Variants in ANXA2R observed in about 807,000 individuals in gnomAD.
The protein encoded by ANXA2R is annexin-2 receptor.
For synonymous variants in ANXA2R, 93 were observed against 93.6 expected, an observed-to-expected ratio of 0.99 and a Z score of 0.04; for missense variants, 244 against 241.5, an observed-to-expected ratio of 1.01 and a Z score of -0.07.
chr5:43,040,897 G>A (rs1268344797), upstream of ANXA2R: 1 of 152,136 alleles, frequency 6.6e-6, no homozygotes. Flanking sequence ...AGGACCCCGC[G>A]AACGGGAAAT....
chr5:43,039,597 A>G lies in ANXA2R; in HGVS notation c.450T>C (p.Pro150=). 1 of 1,614,072 alleles carries G rather than the reference A, an allele frequency of 6.2e-7. No homozygotes were observed. Among genetic ancestry groups the G allele is most frequent in the Non-Finnish European group, 8.5e-7 (1 of 1,179,940 alleles). ...GGTGGCGCCACGGCTGGAGGGCAGG[A>G]GGATGGCGGCGTTCCAAAAGGCACC... ...DSGCLLERRH[P]PALQPWRHLP... is the part of the protein sequence containing the mutation. The change falls in exon 1 of 1, where the codon CCT becomes CCC. Residue 150 remains proline, a synonymous_variant. Transcript: ENST00000616064.
In ANXA2R at chr5:43,040,080, A is replaced by C; in HGVS notation, c.-34T>G. 1 of 1,557,240 alleles carries C rather than the reference A, an allele frequency of 6.4e-7. No homozygotes were observed. Among genetic ancestry groups the C allele is most frequent in the African/African-American group, 1.4e-5 (1 of 73,410 alleles). ...CCTCAGACCAACGTTTGCGCTGATCAAGGAGGGAGAGTCTCTGCACTACCA... is the reference window on the plus strand; with the variant it reads ...CCTCAGACCAACGTTTGCGCTGATCCAGGAGGGAGAGTCTCTGCACTACCA... On this transcript the variant is annotated 5_prime_UTR_variant, in exon 1 of 1. Transcript: ENST00000616064.
chr5:43,043,052 C>T (rs1014615562), upstream of ANXA2R: 2 of 152,256 alleles, frequency 1.3e-5, no homozygotes, highest in African/African-American at 4.8e-5. Flanking sequence ...TTGGTGAAAC[C>T]AACCTTGTGA....
chr5:43,039,909 C>T lies in ANXA2R; in HGVS notation c.138G>A (p.Glu46=). ...WPLPLYPVLG[E]YSLDSCDLGL... ...CCAAATCACAGCTGTCCAGTGAGTA[C>T]TCTCCTAGTACTGGATACAAAGGAA... The change falls in exon 1 of 1, where the codon GAG becomes GAA. Residue 46 remains glutamate (E), a synonymous_variant. Coordinates refer to ENST00000616064, the MANE Select transcript of ANXA2R (RefSeq NM_001014279.3). The T allele has an allele frequency of 6.2e-7, 1 of 1,614,242 alleles. No homozygotes were observed. Among genetic ancestry groups the T allele is most frequent in the South Asian group, 1.1e-5 (1 of 91,092 alleles).
At chr5:43,041,979 T>G (rs1437811453), upstream of ANXA2R, 1 of 152,236 alleles carries the variant, frequency 6.6e-6, no homozygotes, top group Admixed American at 6.5e-5. Context: ...TTCCCCTACT[T>G]GGACAGAGGG....
upstream of ANXA2R, chr5:43,040,853 G>A (rs1437841732): frequency 6.6e-6 from 1 of 152,170 alleles, no homozygotes; most frequent in African/African-American, 2.4e-5. Context: ...ACTAGCGGTT[G>A]TAGGAGCGAA....
In ANXA2R at chr5:43,039,971, G is replaced by A. The variant is rs1742161747; in HGVS notation, c.76C>T (p.Pro26Ser). ...CCACGATCTTCTGAACTCACAATAG[G>A]TGGAGGCTGGGGCTCTGGCGCCACC... The part of the protein sequence containing the change: ...AEVAPEPQPP[P>S]IVSSEDRGPW... Residue 26 changes from proline to serine, a missense_variant, in exon 1 of 1, where the codon CCT becomes TCT. Physicochemically the swap from Pro to Ser is moderately conservative, Grantham distance 74 (BLOSUM62 -1). Coordinates refer to ENST00000616064, the MANE Select transcript of ANXA2R (RefSeq NM_001014279.3). 1.2e-6 allele frequency: 2 copies of A among 1,613,914 alleles called. No homozygotes were observed. Among genetic ancestry groups the A allele is most frequent in the South Asian group, 2.2e-5 (2 of 91,084 alleles).
rs774369455 is a variant in ANXA2R at position 43,039,886 on chromosome 5, A to T, written c.161T>A (p.Leu54Ter). The T allele has an allele frequency of 3.1e-6, 5 of 1,614,130 alleles. No individual in the cohort carries two copies. In the African/African-American group the frequency reaches 6.7e-5, roughly 22 times the overall value. ...CCAGCAAGGGCTGGAAAGCAGTCCCAAATCACAGCTGTCCAGTGAGTACTC... is the reference window on the plus strand; with the variant it reads ...CCAGCAAGGGCTGGAAAGCAGTCCCTAATCACAGCTGTCCAGTGAGTACTC... Residue 54 changes from leucine to a stop codon, truncating the protein, a stop_gained, in exon 2 of 2, where the codon TTG becomes TAG. Transcript: ENST00000314890. LOFTEE classifies it low-confidence loss of function (END_TRUNC).
chr5:43,040,067 G>T lies in ANXA2R; in HGVS notation c.-21C>A. ...TCCATCCCTCAAGCCTCAGACCAAC[G>T]TTTGCGCTGATCAAGGAGGGAGAGT... On this transcript the variant is annotated 5_prime_UTR_variant, in exon 1 of 1. Transcript: ENST00000616064. 6.3e-7 allele frequency: 1 copy of T among 1,576,322 alleles called. No homozygotes were observed.
chr5:43,040,990 A>G (rs1202876359), upstream of ANXA2R: 6 of 152,218 alleles, frequency 3.9e-5, no homozygotes, highest in Non-Finnish European at 8.8e-5. Context: ...AGCTCTGCAT[A>G]GGAAGCGGAG....
At chr5:43,043,115 A>T (rs1579633801), upstream of ANXA2R, 1 of 152,374 alleles carries the variant, frequency 6.6e-6, no homozygotes, top group African/African-American at 2.4e-5. Context: ...GCGGCGGAGA[A>T]ACCGCAGGCT....
At chr5:43,041,826 T>C (rs1392148769), upstream of ANXA2R, 3 of 152,166 alleles carry the variant, frequency 2.0e-5, no homozygotes, top group Non-Finnish European at 4.4e-5. Context: ...AACCCGGAGC[T>C]GCTGACCAAC....
At chr5:43,040,593 T>C (rs975090030), upstream of ANXA2R, 4 of 153,878 alleles carry the variant, frequency 2.6e-5, no homozygotes, top group African/African-American at 9.6e-5. Context: ...CTTCCACACC[T>C]AAACAACCTG....
chr5:43,042,036 G>A (rs373425837), upstream of ANXA2R: 9 of 152,326 alleles, frequency 5.9e-5, no homozygotes, highest in Middle Eastern at 3.2e-3. This position sits in a 1 kb window ranked among gnomAD's most constrained non-coding sequence, Gnocchi z 5.6. Flanking sequence ...GGACTAAGAA[G>A]CCAACGACGC....
upstream of ANXA2R, chr5:43,040,568 G>A (rs1415668493): frequency 1.9e-5 from 3 of 155,172 alleles, no homozygotes; most frequent in Non-Finnish European, 4.3e-5. Flanking sequence ...CATGCTCTTA[G>A]AACTAAGAGC....
At chr5:43,042,890 T>G (rs1362990354), upstream of ANXA2R, 1 of 152,374 alleles carries the variant, frequency 6.6e-6, no homozygotes, top group Non-Finnish European at 1.5e-5. The surrounding 1 kb of genome is among the most constrained non-coding windows in gnomAD (Gnocchi z 5.6). Flanking sequence ...AACCGCCAGC[T>G]GGGCTAGACT....
rs369200809 is a variant in ANXA2R at position 43,039,640 on chromosome 5, G to C, written c.407C>G (p.Thr136Ser). ...AAGGCACCCGCTGTCACAGACCTCG[G>C]TGTCCTGCTGTCTGTCCCAGGGATG... The part of the protein sequence containing the change: ...PLHPWDRQQD[T>S]EVCDSGCLLE... The change falls in exon 1 of 1, where the codon ACC becomes AGC. Residue 136 changes from threonine to serine, a missense_variant. Physicochemically the swap from Thr to Ser is moderately conservative, Grantham distance 58. Transcript: ENST00000616064. The C allele has an allele frequency of 5.0e-6, 8 of 1,613,680 alleles. No homozygotes were observed. Among genetic ancestry groups the C allele is most frequent in the Middle Eastern group, 1.7e-4 (1 of 6,050 alleles).
At chr5:43,043,241 A>G (rs1742234954), upstream of ANXA2R, 1 of 152,172 alleles carries the variant, frequency 6.6e-6, no homozygotes, top group Admixed American at 6.5e-5. Context: ...GTGCAGTTGC[A>G]AAAGATAATT....
chr5:43,039,823 GGA>G lies in ANXA2R; in HGVS notation c.222_223del (p.Pro75TrpfsTer15). Reference sequence around the variant, plus strand: ...TGGTTCCAAGGTGCTCTGGACTCCAGGAGAGAGTCCGTTTTGCCAGTAGACTC... The same window carrying G: ...TGGTTCCAAGGTGCTCTGGACTCCAGGAGAGTCCGTTTTGCCAGTAGACTC... On this transcript the variant is annotated frameshift_variant, in exon 2 of 2. Coordinates refer to the ANXA2R transcript ENST00000314890. LOFTEE classifies it low-confidence loss of function (END_TRUNC). 4 of 1,614,248 alleles carry G rather than the reference GGA, an allele frequency of 2.5e-6. No individual in the cohort carries two copies. The highest frequency in any genetic ancestry group is 3.4e-6 in the Non-Finnish European group (4 of 1,180,038).
Sources: allele counts gnomAD v4.1 joint callset, GRCh38; gene constraint gnomAD v4.1.1; non-coding constraint Gnocchi (gnomAD v3.1); transcripts MANE v1.5; gene names NCBI Gene and HGNC (gene_info 2026-07-23, HGNC 2026-07-21).